The following MIPOL1 variants were observed in gnomAD, a reference collection of about 807,000 sequenced individuals.
MIPOL1 encodes mirror-image polydactyly gene 1 protein.
Under a neutral mutation model 60.9 loss-of-function variants are expected in MIPOL1, and 57 were observed. The ratio of observed to expected loss-of-function variants is 0.94; its 90% confidence interval spans 0.76 to 1.17. The LOEUF (loss-of-function observed/expected upper bound fraction) is 1.17, where lower values mean the gene tolerates loss of function less well. Ranked by LOEUF, MIPOL1 falls within the 50% of genes most tolerant of loss-of-function variation. The pLI, the probability that MIPOL1 is intolerant of heterozygous loss-of-function variation, is 0.00. For missense variants in MIPOL1, 551 were observed against 511.6 expected (o/e 1.08, Z -0.74); for synonymous variants, 179 against 168.8 (o/e 1.06, Z -0.47).
At chr14:37,329,486 A>C (rs1348030802) in intron 9 of MIPOL1, among the ~76,000 whole-genome samples, 1 of 152,028 alleles carries the variant, frequency 6.6e-6, no homozygotes, top group East Asian at 1.9e-4. Context: ...TGTCATACGA[A>C]CTTTTAGTTT....
rs188573592 is a variant in MIPOL1 at position 37,447,132 on chromosome 14, T to G, written c.1031+24183T>G. Among the ~76,000 whole-genome samples the G allele has an allele frequency of 3.9e-3, 593 of 152,048 alleles. 2 individuals are homozygous for G. The highest frequency in any genetic ancestry group is 5.9e-3 in the Non-Finnish European group (401 of 67,932). Reference sequence around the variant, plus strand: ...AGAATCCTGCACATATATGGTCAGTTTATCTTCAACAATGAAGACATGGCA... The same window carrying G: ...AGAATCCTGCACATATATGGTCAGTGTATCTTCAACAATGAAGACATGGCA... On this transcript the variant is annotated intron_variant, in intron 11 of 12. Transcript: ENST00000684589.
Position 37,248,503 on chromosome 14 carries a change from CAG to C in MIPOL1, c.19+597_19+598del, listed in dbSNP as rs370594864. On this transcript the variant is annotated intron_variant, in intron 3 of 12. Transcript: ENST00000684589. ...AGACACATTGAGAGTGATAGAGACA[CAG>C]GCATGCGGACAGATACAGAGAAAGA... Among the ~76,000 whole-genome samples, 23 of 152,108 alleles carry C rather than the reference CAG, an allele frequency of 1.5e-4. 2 individuals are homozygous for C. The highest frequency in any genetic ancestry group is 5.5e-4 in the African/African-American group (23 of 41,520).
At chr14:37,319,005 A>AT (rs2088258782) in intron 9 of MIPOL1, among the ~76,000 whole-genome samples, 1 of 151,722 alleles carries the variant, frequency 6.6e-6, no homozygotes, top group Non-Finnish European at 1.5e-5. Context: ...TGCTAGTCTG[A>AT]TTTTTTTGTA....
At chr14:37,235,576 G>A (rs1379351235) in intron 1 of MIPOL1, among the ~76,000 whole-genome samples, 1 of 152,100 alleles carries the variant, frequency 6.6e-6, no homozygotes, top group African/African-American at 2.4e-5. Flanking sequence ...TCTTGTTTGT[G>A]TGTATGTGTA....
chr14:37,401,565 T>C (rs752504151), intron 10 of MIPOL1: 1 of 152,030 alleles, frequency 6.6e-6, no homozygotes, highest in Non-Finnish European at 1.5e-5. Flanking sequence ...TGTTTATAAA[T>C]CTTAGAGGAA....
chr14:37,542,412 A>C (rs1434162438), intron 12 of MIPOL1, among the ~76,000 whole-genome samples: 1 of 152,076 alleles, frequency 6.6e-6, no homozygotes, highest in East Asian at 1.9e-4. Flanking sequence ...GTTGCAACCG[A>C]AAGTAAAATG....
intron 10 of MIPOL1, among the ~76,000 whole-genome samples, chr14:37,419,183 C>A (rs1777062952): frequency 6.6e-6 from 1 of 151,988 alleles, no homozygotes; most frequent in East Asian, 1.9e-4. Flanking sequence ...AATAAACTAC[C>A]AGTACATGAA....
chr14:37,466,786 A>T (rs2094603681), intron 11 of MIPOL1, among the ~76,000 whole-genome samples: 1 of 152,178 alleles, frequency 6.6e-6, no homozygotes, highest in South Asian at 2.1e-4. Flanking sequence ...TTTCCTAGCA[A>T]CTGTTGTCAT....
intron 11 of MIPOL1, among the ~76,000 whole-genome samples, chr14:37,476,108 A>G (rs1436742561): frequency 6.6e-6 from 1 of 152,078 alleles, no homozygotes; most frequent in African/African-American, 2.4e-5. Flanking sequence ...CCTCATATAG[A>G]TCTTGTAAAT....
rs146163325 is a variant in MIPOL1, at chr14:37,491,620, A to G, written c.1032-8288A>G. On this transcript the variant is annotated intron_variant, in intron 11 of 12. Transcript: ENST00000684589. Reference sequence around the variant, plus strand: ...ATTTCTAAACATGAATTCAACAGATATTTAGTGAAACCCAATTTATATTGT... The same window carrying G: ...ATTTCTAAACATGAATTCAACAGATGTTTAGTGAAACCCAATTTATATTGT... 6.2e-4 allele frequency among the ~76,000 whole-genome samples: 94 copies of G among 152,342 alleles called. No individual in the cohort carries two copies. In the Middle Eastern group the frequency reaches 0.031, roughly 50 times the overall value.
At chr14:37,267,900 G>C (rs2083001582) in intron 4 of MIPOL1, among the ~76,000 whole-genome samples, 1 of 151,996 alleles carries the variant, frequency 6.6e-6, no homozygotes, top group Non-Finnish European at 1.5e-5. Flanking sequence ...GCTTTTAAAA[G>C]GGCCTTGTTC....
intron 9 of MIPOL1, among the ~76,000 whole-genome samples, chr14:37,328,273 T>C (rs963100237): frequency 4.6e-5 from 7 of 151,894 alleles, no homozygotes; most frequent in Admixed American, 4.6e-4. Flanking sequence ...CCTCAGCCTC[T>C]CAAAGTGCTG....
At chr14:37,337,473 G>A (rs1441533015) in intron 9 of MIPOL1, among the ~76,000 whole-genome samples, 1 of 140,890 alleles carries the variant, frequency 7.1e-6, no homozygotes, top group Admixed American at 7.4e-5. Context: ...GGTTCTAGTG[G>A]TTCTCCTGCC....
chr14:37,489,338 T>A (rs543590654), intron 11 of MIPOL1, among the ~76,000 whole-genome samples: 1 of 152,320 alleles, frequency 6.6e-6, no homozygotes, highest in Admixed American at 6.5e-5. Context: ...TTATTCTAGT[T>A]AGCATTTCCT....
At chr14:37,267,419 C>G (rs1053685368) in intron 4 of MIPOL1, among the ~76,000 whole-genome samples, 1 of 151,494 alleles carries the variant, frequency 6.6e-6, no homozygotes, top group Admixed American at 6.6e-5. Flanking sequence ...ACCTGGGAGG[C>G]GGAGGTTGCA....
At chr14:37,302,288 T>G (rs1308495272) in intron 7 of MIPOL1, among the ~76,000 whole-genome samples, 3 of 149,410 alleles carry the variant, frequency 2.0e-5, no homozygotes, top group Non-Finnish European at 4.5e-5. Context: ...TTTTTCTTGT[T>G]TTGGATGTTA....
At chr14:37,463,885 A>G (rs1044988691) in intron 11 of MIPOL1, among the ~76,000 whole-genome samples, 1 of 152,194 alleles carries the variant, frequency 6.6e-6, no homozygotes, top group African/African-American at 2.4e-5. Context: ...AACACCAAGA[A>G]TCTACAAGAA....
chr14:37,236,209 A>G (rs957055598), intron 1 of MIPOL1, among the ~76,000 whole-genome samples: 14 of 152,112 alleles, frequency 9.2e-5, no homozygotes, highest in African/African-American at 3.1e-4. Flanking sequence ...TACAGACACT[A>G]GGATTACGCG....
chr14:37,449,736 A>G (rs1031766168), intron 11 of MIPOL1, among the ~76,000 whole-genome samples: 9 of 152,144 alleles, frequency 5.9e-5, no homozygotes, highest in East Asian at 5.8e-4. Flanking sequence ...TACTTGAGCC[A>G]TGACTTTCTT....
Sources: allele counts gnomAD v4.1 joint callset (sites outside exome capture counted in the v4.1 genomes callset), GRCh38; gene constraint gnomAD v4.1.1; transcripts MANE v1.5; gene names NCBI Gene and HGNC (gene_info 2026-07-23, HGNC 2026-07-21).